The following BICD2 variants were observed in gnomAD, a reference collection of about 807,000 sequenced individuals.
The protein encoded by BICD2 is protein bicaudal D homolog 2.
In BICD2, 25 loss-of-function variants were observed where a neutral mutation model predicts 72.9. The observed-to-expected ratio is 0.34, with a 90% CI of 0.25 to 0.48. The LOEUF is 0.48. BICD2 is among the 20% of genes least tolerant of loss of function. The probability of loss-of-function intolerance (pLI) is 0.99; values close to 1 mark genes in which losing one functional copy is unlikely to be tolerated. For missense variants in BICD2, 894 were observed against 1,175.2 expected (o/e 0.76, Z 3.50); for synonymous variants, 501 against 516.1 (o/e 0.97, Z 0.40).
chr9:92,751,137 G>GT (rs771527730), intron 1 of BICD2, among the ~76,000 whole-genome samples: 1 of 147,246 alleles, frequency 6.8e-6, no homozygotes, highest in East Asian at 2.1e-4. Context: ...TTGGTTTTTT[G>GT]TTGTTGTTGT....
At chr9:92,731,475 TA>T (rs771855818) in intron 1 of BICD2, among the ~76,000 whole-genome samples, 145 of 137,420 alleles carry the variant, frequency 1.1e-3, no homozygotes, top group Middle Eastern at 3.6e-3. Flanking sequence ...TGTGAAAACT[TA>T]AAAAAAAAAA....
chr9:92,758,354 C>A (rs1031187001), intron 1 of BICD2, among the ~76,000 whole-genome samples: 6 of 150,654 alleles, frequency 4.0e-5, no homozygotes, highest in Admixed American at 2.7e-4. Flanking sequence ...GAGTTCGAGA[C>A]CAGCCTGGCT....
At chr9:92,730,877 C>A (rs1853666859) in intron 1 of BICD2, among the ~76,000 whole-genome samples, 3 of 152,234 alleles carry the variant, frequency 2.0e-5, no homozygotes, top group Admixed American at 2.0e-4. Context: ...ACACAACACC[C>A]ACTACGTGGA....
intron 1 of BICD2, among the ~76,000 whole-genome samples, chr9:92,746,384 T>C (rs1199969160): frequency 6.6e-6 from 1 of 151,858 alleles, no homozygotes; most frequent in Admixed American, 6.6e-5. Context: ...AATAAAAAAT[T>C]AGCTGGGCAT....
intron 1 of BICD2, among the ~76,000 whole-genome samples, chr9:92,750,314 T>TTTG (rs1854121356): frequency 6.6e-6 from 1 of 152,294 alleles, no homozygotes; most frequent in Non-Finnish European, 1.5e-5. Flanking sequence ...ATTACCCAAA[T>TTTG]GGTAATTACC....
chr9:92,762,354 T>C (rs1854390869), intron 1 of BICD2, among the ~76,000 whole-genome samples: 1 of 152,142 alleles, frequency 6.6e-6, no homozygotes, highest in Non-Finnish European at 1.5e-5. Flanking sequence ...GGGGGTGAAC[T>C]GGTACAAACT....
At chr9:92,723,437 T>C (rs1210611462) in intron 2 of BICD2, among the ~76,000 whole-genome samples, 1 of 152,230 alleles carries the variant, frequency 6.6e-6, no homozygotes, top group Non-Finnish European at 1.5e-5. Flanking sequence ...GAACACATTC[T>C]GCTGAGTGAA....
chr9:92,751,501 AC>A (rs1854149591), intron 1 of BICD2, among the ~76,000 whole-genome samples: 1 of 152,204 alleles, frequency 6.6e-6, no homozygotes, highest in Non-Finnish European at 1.5e-5. Flanking sequence ...CAAAAGAATT[AC>A]ACAAAAGCAC....
intron 2 of BICD2, among the ~76,000 whole-genome samples, chr9:92,727,353 A>G (rs1015860383): frequency 1.3e-5 from 2 of 152,220 alleles, no homozygotes; most frequent in Non-Finnish European, 2.9e-5. Context: ...ACAAGGGTCC[A>G]TAAGTGCTCC....
intron 1 of BICD2, among the ~76,000 whole-genome samples, chr9:92,731,321 G>A (rs953527347): frequency 1.3e-5 from 2 of 152,144 alleles, no homozygotes; most frequent in African/African-American, 4.8e-5. Flanking sequence ...CTAGCCTCCT[G>A]GCCTGAGCCC....
Position 92,740,603 on chromosome 9 carries a change from G to A in BICD2, c.241-11367C>T, listed in dbSNP as rs189961350. On this transcript the variant is annotated intron_variant, in intron 1 of 6. Transcript: ENST00000356884. Reference sequence around the variant, plus strand: ...ATAAAAAGAAACAGTCTCTCTAGACGGGGATTGCAAAAACTGAATAAAGTA... The same window carrying A: ...ATAAAAAGAAACAGTCTCTCTAGACAGGGATTGCAAAAACTGAATAAAGTA... Among the ~76,000 whole-genome samples, 277 of 151,992 alleles carry A rather than the reference G, an allele frequency of 1.8e-3. 2 individuals carry two copies. Among genetic ancestry groups the A allele is most frequent in the African/African-American group, 6.2e-3 (258 of 41,470 alleles).
chr9:92,731,666 C>A lies in BICD2; in HGVS notation c.241-2430G>T, dbSNP rs567102794. Among the ~76,000 whole-genome samples the A allele has an allele frequency of 4.6e-5, 7 of 152,198 alleles. No individual in the cohort carries two copies. The South Asian group carries it at 1.5e-3, about 32-fold the overall frequency. On this transcript the variant is annotated intron_variant, in intron 1 of 6. Coordinates refer to ENST00000356884, the MANE Select transcript of BICD2 (RefSeq NM_001003800.2). The stretch of plus-strand genomic sequence containing the variant: ...TGAGGCAAGGCGTGGCAGACCCTGT[C>A]AAGGAGGGACTGGAAGATGGCGGAA...
intron 1 of BICD2, among the ~76,000 whole-genome samples, chr9:92,758,225 T>G (rs1481915846): frequency 4.1e-5 from 6 of 147,560 alleles, no homozygotes; most frequent in Admixed American, 2.7e-4. Flanking sequence ...ATAATAATAA[T>G]AATAATATGA....
Position 92,764,711 on chromosome 9 carries a change from G to A in BICD2, c.34C>T (p.Arg12Trp), listed in dbSNP as rs1364903166. The change falls in exon 1 of 7, where the codon CGG becomes TGG. Residue 12 changes from arginine to tryptophan, a missense_variant. By Grantham distance (101) the Arg-to-Trp change is moderately radical (BLOSUM62 -3). Transcript: ENST00000356884. The surrounding 1 kb of genome is among the most constrained non-coding windows in gnomAD (Gnocchi z 5.5). ...TCCGGCTGCGCCTCCATCACCAGCC[G>A]CGCGTACTCCTCCTCCTCCGACGGC... ...SAPSEEEEYA[R>W]LVMEAQPEWL... is the part of the protein sequence containing the mutation. The A allele has an allele frequency of 2.5e-6, 4 of 1,586,352 alleles. No homozygotes were observed. Among genetic ancestry groups the A allele is most frequent in the Admixed American group, 3.4e-5 (2 of 58,072 alleles).
intron 1 of BICD2, among the ~76,000 whole-genome samples, chr9:92,750,265 A>G (rs1854120207): frequency 2.0e-5 from 3 of 152,240 alleles, no homozygotes; most frequent in Non-Finnish European, 4.4e-5. Flanking sequence ...AGCTAAATAC[A>G]GTCTTATCAT....
chr9:92,763,185 C>T (rs528696218), intron 1 of BICD2, among the ~76,000 whole-genome samples: 2 of 152,286 alleles, frequency 1.3e-5, no homozygotes, highest in African/African-American at 2.4e-5. Flanking sequence ...CCTGCTCTGC[C>T]CAGACATCCA....
chr9:92,722,967 A>G (rs1332193752), intron 2 of BICD2, among the ~76,000 whole-genome samples, 159 bp from the exon 3 acceptor site: 2 of 152,194 alleles, frequency 1.3e-5, no homozygotes, highest in Non-Finnish European at 2.9e-5. Flanking sequence ...GGGAGCCCAG[A>G]GCAGTATGCC....
At chr9:92,737,756 G>A (rs936837067) in intron 1 of BICD2, among the ~76,000 whole-genome samples, 2 of 152,226 alleles carry the variant, frequency 1.3e-5, no homozygotes, top group Non-Finnish European at 2.9e-5. Flanking sequence ...TTCTGTGAAA[G>A]TAAAACTATA....
rs1853349690 is a variant in BICD2 at position 92,717,852 on chromosome 9, C to A, written c.2203G>T (p.Ala735Ser). The A allele has an allele frequency of 1.2e-6, 2 of 1,612,876 alleles. No homozygotes were observed. The highest frequency in any genetic ancestry group is 1.7e-5 in the Admixed American group (1 of 60,010). The change falls in exon 6 of 7, where the codon GCC becomes TCC. Residue 735 changes from alanine to serine, a missense_variant. By Grantham distance (99) the Ala-to-Ser change is moderately conservative (BLOSUM62 1). This residue lies in a region of BICD2 where 321 missense variants were observed against 443.9 expected (regional missense o/e 0.72). Transcript: ENST00000356884. Reference sequence around the variant, plus strand: ...AAGGTGGCTGCGTCCTCCTTGAGGGCCTTGAGCTCATTGCGCAGCTTCATC... The same window carrying A: ...AAGGTGGCTGCGTCCTCCTTGAGGGACTTGAGCTCATTGCGCAGCTTCATC... ...TMMKLRNELK[A>S]LKEDAATFSS... is the part of the protein sequence containing the mutation.
Sources: gnomAD v4.1 joint callset for allele counts (sites outside exome capture counted in the v4.1 genomes callset) on GRCh38, gnomAD v4.1.1 for gene constraint, gnomAD v4.1.1 regional missense constraint, Gnocchi (gnomAD v3.1) non-coding constraint, MANE v1.5 for transcripts, NCBI Gene and HGNC (gene_info 2026-07-23, HGNC 2026-07-21) for gene names.